Variants in CERS6 observed in about 807,000 individuals in gnomAD.
CERS6 encodes the protein LAG1 homolog, ceramide synthase 6.
Under a neutral mutation model 56.8 loss-of-function variants are expected in CERS6, and 26 were observed. The observed-to-expected ratio is 0.46, with a 90% CI of 0.34 to 0.63. CERS6 has a LOEUF of 0.63. Among genes scored for constraint, CERS6 ranks in the 30% least tolerant of loss-of-function variants. The pLI, the probability that CERS6 is intolerant of heterozygous loss-of-function variation, is 0.01. For synonymous variants in CERS6, 164 were observed against 173.3 expected, an observed-to-expected ratio of 0.95 and a Z score of 0.42; for missense variants, 415 against 467.5, an observed-to-expected ratio of 0.89 and a Z score of 1.04.
At chr2:168,583,097 A>T (rs1683457199) in intron 3 of CERS6, 1 of 152,474 alleles carries the variant, frequency 6.6e-6, no homozygotes, top group Non-Finnish European at 1.5e-5. Context: ...GGAATGGTTG[A>T]TATACACAGC....
chr2:168,597,333 C>A (rs1470370354), intron 3 of CERS6, among the ~76,000 whole-genome samples: 5 of 152,166 alleles, frequency 3.3e-5, no homozygotes, highest in Admixed American at 6.5e-5. Flanking sequence ...TGCCTGGCAA[C>A]CTCCACTTAA....
At chr2:168,667,932 G>A (rs1404890494) in intron 4 of CERS6, among the ~76,000 whole-genome samples, 1 of 152,212 alleles carries the variant, frequency 6.6e-6, no homozygotes, top group Non-Finnish European at 1.5e-5. Context: ...GAACAGTCAT[G>A]TGTGACTTGA....
At chr2:168,632,466 G>A (rs940932738) in intron 4 of CERS6, among the ~76,000 whole-genome samples, 6 of 152,088 alleles carry the variant, frequency 3.9e-5, no homozygotes, top group African/African-American at 1.2e-4. Context: ...TTTTTTACTT[G>A]TAGTCTTTTC....
chr2:168,561,377 T>C (rs1009214309), intron 3 of CERS6, 55 bp downstream of exon 3: 2 of 1,603,424 alleles, frequency 1.2e-6, no homozygotes, highest in Non-Finnish European at 8.5e-7. Flanking sequence ...ATGCCAACCC[T>C]GAGGTGAAAA....
chr2:168,472,118 C>G (rs1195371155), intron 1 of CERS6, among the ~76,000 whole-genome samples: 2 of 152,186 alleles, frequency 1.3e-5, no homozygotes, highest in African/African-American at 4.8e-5. Flanking sequence ...GGTATTAGCT[C>G]TAAACCCCAG....
intron 8 of CERS6, among the ~76,000 whole-genome samples, chr2:168,734,537 AAGAC>A (rs1177585480): frequency 3.9e-5 from 6 of 152,340 alleles, no homozygotes; most frequent in East Asian, 1.9e-4. Flanking sequence ...TCAGGAACAA[AAGAC>A]AGACAGACAC....
intron 1 of CERS6, among the ~76,000 whole-genome samples, chr2:168,461,459 CAAAAAAAAAAA>C (rs397869323): frequency 1.3e-5 from 1 of 79,046 alleles, no homozygotes; most frequent in South Asian, 4.4e-4. Flanking sequence ...GACCCTGTCT[CAAAAAAAAAAA>C]AAAAAAAAAA....
chr2:168,695,138 C>T (rs550861214), intron 6 of CERS6, 87 bp downstream of exon 6: 16 of 939,452 alleles, frequency 1.7e-5, no homozygotes, highest in Middle Eastern at 2.1e-4. Flanking sequence ...AAGGCACTCA[C>T]CCCTGTTCTC....
At chr2:168,528,743 CA>C (rs1252179144) in intron 1 of CERS6, among the ~76,000 whole-genome samples, 1 of 152,066 alleles carries the variant, frequency 6.6e-6, no homozygotes, top group East Asian at 1.9e-4. Context: ...AGAAAGCAGC[CA>C]AATGAGAGAA....
In CERS6 at chr2:168,530,103, G is replaced by A. The variant is rs183999102; in HGVS notation, c.171-17493G>A. Among the ~76,000 whole-genome samples, 16 of 152,342 alleles carry A rather than the reference G, an allele frequency of 1.1e-4. No homozygotes were observed. In the East Asian group the frequency reaches 3.1e-3, roughly 29 times the overall value. ...CTGCTTGAGGGCAGTGACAGGGAAC[G>A]TGTCTGTAAGAGTGCCGAGGGGTAT... On this transcript the variant is annotated intron_variant, in intron 1 of 9. Transcript: ENST00000305747.
At chr2:168,472,245 A>G (rs1179077026) in intron 1 of CERS6, among the ~76,000 whole-genome samples, 1 of 152,252 alleles carries the variant, frequency 6.6e-6, no homozygotes, top group Non-Finnish European at 1.5e-5. Context: ...GCATAAAAGT[A>G]TACCTTCTTG....
intron 5 of CERS6, 34 bp from the exon 6 acceptor site, chr2:168,694,925 T>A (rs766696690): frequency 6.5e-7 from 1 of 1,545,590 alleles, no homozygotes; most frequent in Non-Finnish European, 8.9e-7. Flanking sequence ...CCCTATTAAC[T>A]ACTAATCATT....
intron 1 of CERS6, among the ~76,000 whole-genome samples, chr2:168,480,090 G>T (rs1035771029): frequency 2.0e-5 from 3 of 152,238 alleles, no homozygotes; most frequent in Non-Finnish European, 4.4e-5. Context: ...GCAGTAAAGT[G>T]CTTAACTGGA....
intron 4 of CERS6, among the ~76,000 whole-genome samples, chr2:168,687,677 G>A (rs1259958551): frequency 6.6e-6 from 1 of 152,112 alleles, no homozygotes; most frequent in Non-Finnish European, 1.5e-5. Flanking sequence ...TGTGTGAGAA[G>A]GAATAATGTG....
intron 3 of CERS6, among the ~76,000 whole-genome samples, chr2:168,596,074 C>G (rs1482853927): frequency 1.9e-5 from 2 of 105,166 alleles, no homozygotes; most frequent in Admixed American, 2.2e-4. Flanking sequence ...CAAAGCGAGA[C>G]CCTGTCTCAA....
At chr2:168,680,731 TG>T (rs1686194447) in intron 4 of CERS6, among the ~76,000 whole-genome samples, 1 of 152,228 alleles carries the variant, frequency 6.6e-6, no homozygotes, top group African/African-American at 2.4e-5. Flanking sequence ...TTGGGTAGCT[TG>T]CCCTTCAGCA....
intron 8 of CERS6, among the ~76,000 whole-genome samples, chr2:168,725,601 G>A (rs1226038328): frequency 6.6e-6 from 1 of 152,124 alleles, no homozygotes; most frequent in Non-Finnish European, 1.5e-5. Context: ...TTCCCAGATG[G>A]TGCTGTATGT....
At chr2:168,458,008 A>G (rs1323096929) in intron 1 of CERS6, among the ~76,000 whole-genome samples, 1 of 152,164 alleles carries the variant, frequency 6.6e-6, no homozygotes, top group Admixed American at 6.5e-5. Flanking sequence ...CTATACAAAA[A>G]AGGATCAAAA....
At chr2:168,483,797 A>G (rs1489780735) in intron 1 of CERS6, among the ~76,000 whole-genome samples, 1 of 152,226 alleles carries the variant, frequency 6.6e-6, no homozygotes, top group African/African-American at 2.4e-5. Flanking sequence ...CTTAATGAGA[A>G]AATATTTATG....
Sources: gnomAD v4.1 joint callset for allele counts (sites outside exome capture counted in the v4.1 genomes callset) on GRCh38, gnomAD v4.1.1 for gene constraint, MANE v1.5 for transcripts, NCBI Gene and HGNC (gene_info 2026-07-23, HGNC 2026-07-21) for gene names.